The following SAMMSON variants were observed in gnomAD, a reference collection of about 807,000 sequenced individuals.
SAMMSON encodes the protein survival associated mitochondrial melanoma specific oncogenic non-coding RNA.
chr3:70,207,498 C>T (rs1045559776), intron 4 of SAMMSON, among the ~76,000 whole-genome samples: 2 of 151,898 alleles, frequency 1.3e-5, no homozygotes, highest in African/African-American at 4.8e-5. Context: ...TTTGGAGAGC[C>T]ATAGAGAAGG....
intron 4 of SAMMSON, among the ~76,000 whole-genome samples, chr3:70,230,778 T>C (rs1034308034): frequency 2.0e-5 from 3 of 152,214 alleles, no homozygotes; most frequent in African/African-American, 7.2e-5. Context: ...AGGCAATGCT[T>C]CATGGTGAGA....
chr3:70,202,414 G>A (rs914251689), intron 4 of SAMMSON, among the ~76,000 whole-genome samples: 1 of 152,152 alleles, frequency 6.6e-6, no homozygotes, highest in African/African-American at 2.4e-5. Flanking sequence ...AGGAAGAGGT[G>A]GGAGAGCCTT....
intron 7 of SAMMSON, among the ~76,000 whole-genome samples, chr3:70,330,597 ATTG>A (rs1242837881): frequency 6.6e-6 from 1 of 152,082 alleles, no homozygotes; most frequent in Non-Finnish European, 1.5e-5. Context: ...CAACATAAAA[ATTG>A]TTGTTTATAT....
intron 1 of SAMMSON, among the ~76,000 whole-genome samples, chr3:70,004,513 C>T (rs2066918579): frequency 6.6e-6 from 1 of 152,056 alleles, no homozygotes; most frequent in South Asian, 2.1e-4. Flanking sequence ...ATCCTAGAGA[C>T]AACATAGCTA....
At position 70,181,865 on chromosome 3, in the gene SAMMSON, G is replaced by C. The variant is rs574865550; in HGVS notation, n.508-67242G>C. Among the ~76,000 whole-genome samples the C allele has an allele frequency of 8.8e-4, 134 of 152,154 alleles. 1 individual carries two copies. The highest frequency in any genetic ancestry group is 1.7e-3 in the Non-Finnish European group (115 of 68,000). ...TTTGCATGTTACAAACTGTGTCAACGTGCAAATTATTTCCTTGAAATAATT... is the reference window on the plus strand; with the variant it reads ...TTTGCATGTTACAAACTGTGTCAACCTGCAAATTATTTCCTTGAAATAATT... On this transcript the variant is annotated intron_variant and non_coding_transcript_variant, in intron 4 of 9. Transcript: ENST00000642114.
chr3:70,182,901 C>G (rs1343643034), intron 4 of SAMMSON, among the ~76,000 whole-genome samples: 1 of 83,078 alleles, frequency 1.2e-5, no homozygotes, highest in Non-Finnish European at 3.4e-5. Context: ...GGACTAATGA[C>G]TAATTGGATT....
intron 2 of SAMMSON, among the ~76,000 whole-genome samples, chr3:70,433,951 A>G (rs1205681227): frequency 1.3e-5 from 2 of 152,180 alleles, no homozygotes; most frequent in Non-Finnish European, 2.9e-5. Context: ...TCGGTTGACT[A>G]TATTTATGCA....
At chr3:70,281,678 A>T (rs1477239558) in intron 6 of SAMMSON, among the ~76,000 whole-genome samples, 2 of 152,124 alleles carry the variant, frequency 1.3e-5, no homozygotes, top group African/African-American at 4.8e-5. Context: ...TCCCTGAGGA[A>T]TCCTCACCAT....
downstream of SAMMSON, among the ~76,000 whole-genome samples, chr3:70,391,199 A>G (rs908853855): frequency 1.3e-5 from 2 of 152,184 alleles, no homozygotes; most frequent in Non-Finnish European, 2.9e-5. Context: ...TCTGAAAACT[A>G]GTTTAGAAAA....
At chr3:70,302,615 T>G (rs1702362256) in intron 7 of SAMMSON, 1 of 152,188 alleles carries the variant, frequency 6.6e-6, no homozygotes, top group South Asian at 2.1e-4. Flanking sequence ...TTCTTCCTAT[T>G]GGGACTGGAG....
At chr3:70,048,615 A>G (rs75477922) in intron 3 of SAMMSON, among the ~76,000 whole-genome samples, 2,124 of 152,202 alleles carry the variant, frequency 0.014, 23 homozygotes, top group Middle Eastern at 0.051. Flanking sequence ...CTGATTGCTC[A>G]TGCTAAATTT....
intron 7 of SAMMSON, among the ~76,000 whole-genome samples, chr3:70,340,398 A>ATATATAT (rs59152271): frequency 1.3e-5 from 2 of 151,136 alleles, no homozygotes; most frequent in African/African-American, 2.4e-5. Flanking sequence ...ATATATATAT[A>ATATATAT]AAAAAAGCAG....
chr3:70,382,374 G>A (rs1703077085), intron 9 of SAMMSON, among the ~76,000 whole-genome samples: 2 of 151,982 alleles, frequency 1.3e-5, no homozygotes, highest in Admixed American at 1.3e-4. Context: ...GATCTCTTAA[G>A]CACTCAGGTT....
chr3:70,314,344 T>C (rs1702480693), intron 7 of SAMMSON, among the ~76,000 whole-genome samples: 1 of 151,912 alleles, frequency 6.6e-6, no homozygotes. Flanking sequence ...TACATATAAT[T>C]ACCAAATTCC....
intron 6 of SAMMSON, among the ~76,000 whole-genome samples, chr3:70,284,516 G>C (rs1702121258): frequency 6.6e-6 from 1 of 152,162 alleles, no homozygotes; most frequent in African/African-American, 2.4e-5. Context: ...ATCAATGATA[G>C]ACTGGATCAA....
intron 2 of SAMMSON, among the ~76,000 whole-genome samples, chr3:70,416,635 A>G (rs564339262): frequency 6.6e-6 from 1 of 152,236 alleles, no homozygotes; most frequent in Non-Finnish European, 1.5e-5. Context: ...AACCAGCCAC[A>G]TAATTTCATG....
At chr3:70,138,208 A>G (rs537120916) in intron 4 of SAMMSON, among the ~76,000 whole-genome samples, 1 of 152,204 alleles carries the variant, frequency 6.6e-6, no homozygotes, top group South Asian at 2.1e-4. Context: ...GCACTTTAAA[A>G]TCTGTATTAA....
intron 3 of SAMMSON, among the ~76,000 whole-genome samples, chr3:70,047,889 A>G (rs1447531000): frequency 2.0e-5 from 3 of 152,058 alleles, no homozygotes; most frequent in Non-Finnish European, 4.4e-5. Flanking sequence ...ACCATTTTTT[A>G]TAGTGGCATT....
At chr3:70,183,231 A>T (rs1356984178) in intron 4 of SAMMSON, 1 of 152,212 alleles carries the variant, frequency 6.6e-6, no homozygotes, top group South Asian at 2.1e-4. Context: ...CAAAGAGATG[A>T]TTATGAATGT....
Sources: gnomAD v4.1 joint callset for allele counts (sites outside exome capture counted in the v4.1 genomes callset) on GRCh38, gnomAD v4.1.1 for gene constraint, MANE v1.5 for transcripts, NCBI Gene and HGNC (gene_info 2026-07-23, HGNC 2026-07-21) for gene names.